Variants in SMOC1 observed in about 807,000 individuals in gnomAD.
SMOC1 encodes SPARC related modular calcium binding 1, also known as SPARC-related modular calcium-binding protein 1.
Under a neutral mutation model 56.3 loss-of-function variants are expected in SMOC1, and 22 were observed. The ratio of observed to expected loss-of-function variants is 0.39; its 90% confidence interval spans 0.28 to 0.56. The LOEUF is 0.56. Ranked by LOEUF, SMOC1 falls within the 20% of genes least tolerant of loss-of-function variation. SMOC1 has a pLI of 0.61. For missense variants in SMOC1, 509 were observed against 565.4 expected (o/e 0.90, Z 1.01); for synonymous variants, 193 against 215.0 (o/e 0.90, Z 0.89).
chr14:70,020,535 T>A (rs746968512), intron 10 of SMOC1, among the ~76,000 whole-genome samples: 4 of 152,098 alleles, frequency 2.6e-5, no homozygotes, highest in Admixed American at 2.6e-4. Flanking sequence ...CAGGGCAGGC[T>A]GTGAGTCATG....
chr14:69,977,704 T>A (rs1245701533), intron 4 of SMOC1, among the ~76,000 whole-genome samples: 1 of 152,198 alleles, frequency 6.6e-6, no homozygotes, highest in Non-Finnish European at 1.5e-5. Context: ...ATAGTTCATC[T>A]TAACAGTGCT....
chr14:69,987,485 A>T (rs933127785), intron 5 of SMOC1, among the ~76,000 whole-genome samples: 1 of 152,154 alleles, frequency 6.6e-6, no homozygotes, highest in African/African-American at 2.4e-5. Context: ...AGCTCTTTGT[A>T]TGTGGCCAGA....
chr14:69,895,995 C>T (rs1048316803), intron 1 of SMOC1, among the ~76,000 whole-genome samples: 2 of 151,740 alleles, frequency 1.3e-5, no homozygotes, highest in African/African-American at 4.8e-5. Context: ...CTAAGATGTG[C>T]CTCCACACCT....
intron 1 of SMOC1, among the ~76,000 whole-genome samples, chr14:69,891,668 G>A (rs1327351426): frequency 6.6e-6 from 1 of 152,108 alleles, no homozygotes; most frequent in Non-Finnish European, 1.5e-5. Context: ...GCTCGTCTCT[G>A]CCCTCCCCAG....
chr14:69,920,662 C>G (rs1216301033), intron 1 of SMOC1, among the ~76,000 whole-genome samples: 1 of 151,966 alleles, frequency 6.6e-6, no homozygotes, highest in Admixed American at 6.6e-5. Flanking sequence ...AGTTTACAGT[C>G]TGGTGGGGGG....
intron 1 of SMOC1, 129 bp from the exon 2 acceptor site, chr14:69,952,009 C>T: frequency 1.9e-6 from 2 of 1,064,100 alleles, no homozygotes; most frequent in Admixed American, 1.9e-5. Flanking sequence ...TTCCCTTCAC[C>T]TTTAGGGTTT....
chr14:69,905,664 G>A (rs1163259007), intron 1 of SMOC1, among the ~76,000 whole-genome samples: 3 of 152,150 alleles, frequency 2.0e-5, no homozygotes, highest in African/African-American at 7.2e-5. Context: ...TGATAGTGGG[G>A]TTGAAGAAAA....
At chr14:69,883,332 C>T (rs1312962941) in intron 1 of SMOC1, among the ~76,000 whole-genome samples, 1 of 152,158 alleles carries the variant, frequency 6.6e-6, no homozygotes. Flanking sequence ...CTACTTTCTA[C>T]TTCTATGAGA....
At chr14:69,901,894 C>T (rs1386740263) in intron 1 of SMOC1, among the ~76,000 whole-genome samples, 1 of 152,188 alleles carries the variant, frequency 6.6e-6, no homozygotes, top group Admixed American at 6.5e-5. Context: ...TAGGAAACAT[C>T]TGTTGTTTTG....
In SMOC1 at chr14:70,003,049, G is replaced by A. The variant is rs138136205; in HGVS notation, c.665-7705G>A. 1.4e-3 allele frequency among the ~76,000 whole-genome samples: 206 copies of A among 152,306 alleles called. 1 individual carries two copies. The highest frequency in any genetic ancestry group is 4.3e-3 in the African/African-American group (177 of 41,560). ...ACACCACACTCTCACATGCTCGCACGCTGACCTAGAGAATCCTGAGGCTGG... is the reference window on the plus strand; with the variant it reads ...ACACCACACTCTCACATGCTCGCACACTGACCTAGAGAATCCTGAGGCTGG... On this transcript the variant is annotated intron_variant, in intron 7 of 11. Transcript: ENST00000361956.
chr14:69,905,192 G>C (rs1428785202), intron 1 of SMOC1, among the ~76,000 whole-genome samples: 1 of 152,284 alleles, frequency 6.6e-6, no homozygotes, highest in East Asian at 1.9e-4. Context: ...TAGGGGCTGA[G>C]AGTCTTCTGA....
At chr14:69,932,386 C>T (rs948639659) in intron 1 of SMOC1, among the ~76,000 whole-genome samples, 1 of 152,160 alleles carries the variant, frequency 6.6e-6, no homozygotes, top group Admixed American at 6.5e-5. Context: ...ACTTTACTAC[C>T]ACGCCACCCT....
chr14:69,947,902 G>T (rs2035011), intron 1 of SMOC1, among the ~76,000 whole-genome samples: 67,448 of 152,066 alleles, frequency 0.44, 16,005 homozygotes, highest in African/African-American at 0.61. Context: ...GCTTCGGAGC[G>T]TTCCAGAGTC....
chr14:69,980,331 G>T (rs1455566154), intron 5 of SMOC1, among the ~76,000 whole-genome samples: 1 of 152,160 alleles, frequency 6.6e-6, no homozygotes, highest in Non-Finnish European at 1.5e-5. Flanking sequence ...CTTCCTCCAA[G>T]ATGGCTCTGC....
At chr14:69,912,483 C>T (rs1884579124) in intron 1 of SMOC1, among the ~76,000 whole-genome samples, 1 of 152,200 alleles carries the variant, frequency 6.6e-6, no homozygotes, top group Admixed American at 6.5e-5. Flanking sequence ...AACTACTGGC[C>T]TCATGCAGTC....
chr14:70,021,702 G>A (rs1343274710), intron 10 of SMOC1, among the ~76,000 whole-genome samples: 4 of 151,870 alleles, frequency 2.6e-5, no homozygotes, highest in Non-Finnish European at 4.4e-5. Context: ...AGGGATGGAT[G>A]ACTGGCTTTT....
In SMOC1 at chr14:69,908,050, G is replaced by A. The variant is rs1884456812; in HGVS notation, c.99+28273G>A. On this transcript the variant is annotated intron_variant, in intron 1 of 11. Transcript: ENST00000361956. ...ACACTTTCAGACCACAGCAATAGGT[G>A]AATCAACTGTGGCACAGATCTATGG... Among the ~76,000 whole-genome samples the A allele has an allele frequency of 5.3e-5, 8 of 152,180 alleles. No individual in the cohort carries two copies. The South Asian group carries it at 1.7e-3, about 32-fold the overall frequency.
intron 1 of SMOC1, among the ~76,000 whole-genome samples, chr14:69,907,336 T>C (rs773866476): frequency 1.1e-4 from 16 of 152,246 alleles, no homozygotes; most frequent in Non-Finnish European, 2.1e-4. Context: ...TATCATCTTT[T>C]TGCCTCTACT....
chr14:70,001,056 G>A (rs886811081), intron 7 of SMOC1, among the ~76,000 whole-genome samples: 9 of 152,176 alleles, frequency 5.9e-5, no homozygotes, highest in Non-Finnish European at 7.4e-5. Context: ...AGAGCACCGA[G>A]CAGCCTTCCC....
Sources: allele counts gnomAD v4.1 joint callset (sites outside exome capture counted in the v4.1 genomes callset), GRCh38; gene constraint gnomAD v4.1.1; transcripts MANE v1.5; gene names NCBI Gene and HGNC (gene_info 2026-07-23, HGNC 2026-07-21).